Variants in PTGER4 observed in about 807,000 individuals in gnomAD.
PTGER4 encodes the protein prostaglandin E2 receptor EP4 subtype.
In PTGER4, 11 loss-of-function variants were observed where a neutral mutation model predicts 33.2. The ratio of observed to expected loss-of-function variants is 0.33; its 90% confidence interval spans 0.21 to 0.55. The LOEUF is 0.55. Among genes scored for constraint, PTGER4 ranks in the 20% least tolerant of loss-of-function variants. The pLI is 0.92. For missense variants in PTGER4, 481 were observed against 650.2 expected, an observed-to-expected ratio of 0.74 and a Z score of 2.83; for synonymous variants, 275 against 281.5, an observed-to-expected ratio of 0.98 and a Z score of 0.23.
At chr5:40,736,247 T>C in the PTGER4 span, among the ~76,000 whole-genome samples, 1 of 152,324 alleles carries the variant, frequency 6.6e-6, no homozygotes, top group Non-Finnish European at 1.5e-5. Flanking sequence ...ACTGTATCTA[T>C]GTTTTTCCAC....
chr5:40,716,119 A>C, the PTGER4 span: 1 of 1,529,574 alleles, frequency 6.5e-7, no homozygotes, highest in Non-Finnish European at 8.8e-7. Flanking sequence ...AAAAAGACAG[A>C]TTCAAATAAT....
At chr5:40,742,670 C>T in the PTGER4 span, among the ~76,000 whole-genome samples, 1 of 152,048 alleles carries the variant, frequency 6.6e-6, no homozygotes, top group Admixed American at 6.6e-5. Flanking sequence ...AGAATCCTGC[C>T]ATCCTTGTGA....
At chr5:40,722,528 G>A in the PTGER4 span, among the ~76,000 whole-genome samples, 1 of 151,144 alleles carries the variant, frequency 6.6e-6, no homozygotes, top group Non-Finnish European at 1.5e-5. Flanking sequence ...TCCCCGTCTG[G>A]AATGTGAGGA....
chr5:40,697,819 T>A (rs1741649130), downstream of PTGER4, among the ~76,000 whole-genome samples: 1 of 151,496 alleles, frequency 6.6e-6, no homozygotes. Context: ...GTGTAATAAG[T>A]ATACTCATAT....
At chr5:40,713,243 T>C in the PTGER4 span, among the ~76,000 whole-genome samples, 1 of 152,168 alleles carries the variant, frequency 6.6e-6, no homozygotes, top group East Asian at 1.9e-4. Flanking sequence ...AGAGTCACTT[T>C]AGAATGGCTC....
downstream of PTGER4, among the ~76,000 whole-genome samples, chr5:40,697,123 A>C (rs1200046354): frequency 7.1e-6 from 1 of 140,296 alleles, no homozygotes; most frequent in Non-Finnish European, 1.6e-5. Context: ...AGAAAAAAGA[A>C]AGAAAGGAAG....
intron 2 of PTGER4, chr5:40,685,596 C>A: frequency 4.4e-6 from 1 of 226,000 alleles, no homozygotes; most frequent in Non-Finnish European, 7.4e-6. Context: ...AATTGCAGAC[C>A]CAGTAGTAGT....
the PTGER4 span, among the ~76,000 whole-genome samples, chr5:40,741,283 G>A: frequency 6.6e-6 from 1 of 152,158 alleles, no homozygotes; most frequent in Non-Finnish European, 1.5e-5. Flanking sequence ...CTTCCCTCTA[G>A]GGATAGTGTA....
chr5:40,722,991 T>A, the PTGER4 span, among the ~76,000 whole-genome samples: 2 of 152,142 alleles, frequency 1.3e-5, no homozygotes, highest in African/African-American at 4.8e-5. Flanking sequence ...TTTTGTCAAA[T>A]AGAAAAGGGG....
Position 40,692,962 on chromosome 5 carries a change from A to G in PTGER4, c.*584A>G, listed in dbSNP as rs1381419485. On this transcript the variant is annotated 3_prime_UTR_variant, in exon 3 of 3. Coordinates refer to ENST00000302472, the MANE Select transcript of PTGER4 (RefSeq NM_000958.3). ...GTTGCAGATGTTAGATATTTTTCATAAACAAGTTCGAGTCAAAGTTGAAAA... is the reference window on the plus strand; with the variant it reads ...GTTGCAGATGTTAGATATTTTTCATGAACAAGTTCGAGTCAAAGTTGAAAA... 1.0e-6 allele frequency: 1 copy of G among 958,648 alleles called. No individual in the cohort carries two copies. The highest frequency in any genetic ancestry group is 1.2e-6 in the Non-Finnish European group (1 of 805,464). 59.4% of individuals were successfully genotyped at this position (958,648 alleles called of 1,614,324 possible).
the PTGER4 span, among the ~76,000 whole-genome samples, chr5:40,706,545 T>C: frequency 6.6e-6 from 1 of 151,826 alleles, no homozygotes; most frequent in African/African-American, 2.4e-5. Flanking sequence ...AAAATATGAA[T>C]AACAACAACA....
the PTGER4 span, among the ~76,000 whole-genome samples, chr5:40,740,636 C>A: frequency 6.6e-6 from 1 of 152,158 alleles, no homozygotes; most frequent in Non-Finnish European, 1.5e-5. Flanking sequence ...CAATGAGGGA[C>A]AACTCTGACT....
At chr5:40,694,836 T>C (rs1366911819), downstream of PTGER4, among the ~76,000 whole-genome samples, 1 of 152,248 alleles carries the variant, frequency 6.6e-6, no homozygotes, top group Non-Finnish European at 1.5e-5. Context: ...CCAGCATTGC[T>C]CAGTCATCTA....
intron 2 of PTGER4, among the ~76,000 whole-genome samples, chr5:40,685,841 G>A (rs1184269792): frequency 2.0e-5 from 3 of 152,080 alleles, no homozygotes; most frequent in African/African-American, 4.8e-5. Flanking sequence ...CTGTCAATTT[G>A]TTTGTATTGA....
At chr5:40,710,313 G>A in the PTGER4 span, among the ~76,000 whole-genome samples, 1,111 of 152,146 alleles carry the variant, frequency 7.3e-3, 8 homozygotes, top group African/African-American at 0.025. Context: ...GCAGCCAAAG[G>A]ACACATGAAA....
the PTGER4 span, among the ~76,000 whole-genome samples, chr5:40,700,670 C>G: frequency 6.6e-6 from 1 of 152,180 alleles, no homozygotes; most frequent in Non-Finnish European, 1.5e-5. Flanking sequence ...TCTGCTGACT[C>G]TATGATGGGG....
rs552043222 is a variant in PTGER4 at position 40,681,739 on chromosome 5, C to G, written c.746C>G (p.Pro249Arg). 1 of 1,596,622 alleles carries G rather than the reference C, an allele frequency of 6.3e-7. No homozygotes were observed. The highest frequency in any genetic ancestry group is 2.3e-5 in the East Asian group (1 of 43,600). The change falls in exon 2 of 3, where the codon CCG (proline) becomes CGG (arginine). Residue 249 changes from proline (P) to arginine (R), a missense_variant. Physicochemically the swap from Pro to Arg is moderately radical, Grantham distance 103 (BLOSUM62 -2). Around this residue, in one of 7 missense-constraint regions of PTGER4, gnomAD observed 174 missense variants for 210.5 expected, o/e 0.83. Coordinates refer to ENST00000302472, the MANE Select transcript of PTGER4 (RefSeq NM_000958.3). The surrounding 1 kb of genome is among the most constrained non-coding windows in gnomAD (Gnocchi z 9.8). ...RGHPAASPAL[P>R]RLSDFRRRRS... ...CACCCCGCTGCCTCCCCAGCCTTGC[C>G]GCGCCTCAGCGACTTTCGGCGCCGC... is the stretch of plus-strand genomic sequence containing the variant.
chr5:40,713,095 TAAGG>T, the PTGER4 span, among the ~76,000 whole-genome samples: 2 of 152,066 alleles, frequency 1.3e-5, no homozygotes, highest in Non-Finnish European at 2.9e-5. Flanking sequence ...TAATAATCTC[TAAGG>T]AAGAAAAAAA....
At chr5:40,702,863 G>A in the PTGER4 span, among the ~76,000 whole-genome samples, 78 of 152,232 alleles carry the variant, frequency 5.1e-4, no homozygotes, top group Middle Eastern at 3.4e-3. Flanking sequence ...AATGAAAATT[G>A]CTCAAAACCA....
Sources: gnomAD v4.1 joint callset for allele counts (sites outside exome capture counted in the v4.1 genomes callset) on GRCh38, gnomAD v4.1.1 for gene constraint, gnomAD v4.1.1 regional missense constraint, Gnocchi (gnomAD v3.1) non-coding constraint, MANE v1.5 for transcripts, NCBI Gene and HGNC (gene_info 2026-07-23, HGNC 2026-07-21) for gene names.